The following CNBD1 variants were observed in gnomAD, a reference collection of about 807,000 sequenced individuals.
CNBD1 encodes cyclic nucleotide binding domain containing 1, also known as cyclic nucleotide-binding domain-containing protein 1.
Under a neutral mutation model 54.4 loss-of-function variants are expected in CNBD1, and 71 were observed. The ratio of observed to expected loss-of-function variants is 1.30; its 90% CI spans 1.08 to 1.59. The LOEUF is 1.59. Among genes scored for constraint, CNBD1 ranks in the 40% most tolerant of loss-of-function variants. The pLI is 0.00. For synonymous variants in CNBD1, 182 were observed against 170.7 expected (o/e 1.07, Z -0.51); for missense variants, 659 against 518.0 (o/e 1.27, Z -2.64).
chr8:87,390,378 C>A (rs185089471), intron 2 of CNBD1, among the ~76,000 whole-genome samples: 11 of 152,090 alleles, frequency 7.2e-5, no homozygotes, highest in African/African-American at 2.4e-4. Context: ...CCAGAATCTA[C>A]AATGAACTTA....
At chr8:87,376,952 G>C (rs1234218278) in intron 10 of CNBD1, among the ~76,000 whole-genome samples, 1 of 149,792 alleles carries the variant, frequency 6.7e-6, no homozygotes, top group Non-Finnish European at 1.5e-5. Flanking sequence ...AGCACATCTT[G>C]GAACCCAAAT....
chr8:87,376,221 TG>T (rs1810931277), intron 10 of CNBD1, among the ~76,000 whole-genome samples: 1 of 151,870 alleles, frequency 6.6e-6, no homozygotes, highest in African/African-American at 2.4e-5. Context: ...CCCATAGTTT[TG>T]GAGGGCAAGA....
chr8:87,237,693 G>T (rs1807610867), intron 6 of CNBD1, among the ~76,000 whole-genome samples: 2 of 152,068 alleles, frequency 1.3e-5, no homozygotes, highest in South Asian at 4.1e-4. Flanking sequence ...TAGAATTGTG[G>T]CTGATAGTCA....
intron 4 of CNBD1, among the ~76,000 whole-genome samples, chr8:87,146,506 A>G (rs1812491515): frequency 6.6e-6 from 1 of 152,126 alleles, no homozygotes; most frequent in Non-Finnish European, 1.5e-5. Flanking sequence ...ATTGAGCCCT[A>G]TGGCTTTAAA....
intron 4 of CNBD1, among the ~76,000 whole-genome samples, chr8:87,184,788 G>T (rs1465019681): frequency 1.3e-5 from 2 of 152,034 alleles, no homozygotes; most frequent in Non-Finnish European, 2.9e-5. Context: ...GAGTCTGCTG[G>T]TGTACTTGAT....
At chr8:86,902,166 A>G (rs1808948544) in intron 2 of CNBD1, among the ~76,000 whole-genome samples, 1 of 152,064 alleles carries the variant, frequency 6.6e-6, no homozygotes, top group Non-Finnish European at 1.5e-5. Context: ...TGCTCCTCCA[A>G]ACTTTATCTA....
intron 2 of CNBD1, among the ~76,000 whole-genome samples, chr8:87,404,435 G>T (rs974736537): frequency 1.3e-5 from 2 of 152,026 alleles, no homozygotes; most frequent in Admixed American, 6.6e-5. Context: ...ACAAAATTGG[G>T]TACTGAGTTT....
intron 4 of CNBD1, among the ~76,000 whole-genome samples, chr8:86,984,591 A>G (rs1808562228): frequency 6.6e-6 from 1 of 152,152 alleles, no homozygotes; most frequent in South Asian, 2.1e-4. Context: ...GTGGGAGCCC[A>G]CCTCTTGCAT....
chr8:87,076,129 A>G (rs6997613), intron 4 of CNBD1, among the ~76,000 whole-genome samples: 91,307 of 152,058 alleles, frequency 0.6, 29,061 homozygotes, highest in African/African-American at 0.82. Context: ...TACCACCTAT[A>G]TAAGAAAAGC....
intron 8 of CNBD1, among the ~76,000 whole-genome samples, chr8:87,327,757 C>G (rs573621369): frequency 6.6e-6 from 1 of 152,156 alleles, no homozygotes; most frequent in Admixed American, 6.5e-5. Flanking sequence ...AGAAATCACC[C>G]GTCTTCTGCG....
At chr8:87,279,717 TA>T in intron 6 of CNBD1, among the ~76,000 whole-genome samples, 1 of 151,260 alleles carries the variant, frequency 6.6e-6, no homozygotes, top group African/African-American at 2.4e-5. Flanking sequence ...CGAGATTATA[TA>T]TTTTTATATA....
chr8:87,377,099 A>T (rs1586061636), intron 10 of CNBD1, among the ~76,000 whole-genome samples: 3 of 118,824 alleles, frequency 2.5e-5, no homozygotes, highest in Non-Finnish European at 5.6e-5. Context: ...TCTTATTTTT[A>T]TTTTTCGCAG....
chr8:87,220,090 T>C (rs555019888), intron 5 of CNBD1, among the ~76,000 whole-genome samples: 21 of 152,192 alleles, frequency 1.4e-4, no homozygotes, highest in Admixed American at 1.2e-3. Flanking sequence ...TAATAGGTTG[T>C]TACAATCATT....
intron 8 of CNBD1, among the ~76,000 whole-genome samples, chr8:87,342,163 C>T (rs1181395507): frequency 1.3e-5 from 2 of 151,962 alleles, no homozygotes; most frequent in Non-Finnish European, 1.5e-5. Flanking sequence ...GTCCCAGCTA[C>T]TTGAGAGGCT....
chr8:86,939,754 T>G lies in CNBD1; in HGVS notation c.431T>G (p.Leu144Trp). The change falls in exon 4 of 11, where the codon TTG becomes TGG. Residue 144 changes from leucine (L) to tryptophan (W), a missense_variant and splice_region_variant. Leu to Trp is a moderately conservative substitution (Grantham distance 61, BLOSUM62 -2). Coordinates refer to ENST00000518476, the MANE Select transcript of CNBD1 (RefSeq NM_173538.3). ...FEEFLAILKKLPIHRTPYEHK... is the reference protein window; with the variant it reads ...FEEFLAILKKWPIHRTPYEHK... Reference sequence around the variant, plus strand: ...GAATTCCTAGCTATCTTAAAGAAATTGTAAGTATTTAAAATATATTCCTTC... The same window carrying G: ...GAATTCCTAGCTATCTTAAAGAAATGGTAAGTATTTAAAATATATTCCTTC... 6.6e-7 allele frequency: 1 copy of G among 1,512,062 alleles called. No homozygotes were observed. The highest frequency in any genetic ancestry group is 9.0e-7 in the Non-Finnish European group (1 of 1,113,218). 93.7% of individuals were successfully genotyped at this position (1,512,062 alleles called of 1,614,324 possible). A position where few individuals can be genotyped will look rare whatever the true frequency, so the allele number is the denominator to read the frequency against.
chr8:87,343,365 A>T (rs1310451038), intron 8 of CNBD1, among the ~76,000 whole-genome samples: 3 of 152,222 alleles, frequency 2.0e-5, no homozygotes, highest in African/African-American at 7.2e-5. Context: ...TCCTCAGCTT[A>T]CAAAAATGAT....
chr8:86,892,382 C>G (rs932508670), intron 2 of CNBD1, among the ~76,000 whole-genome samples: 1 of 151,966 alleles, frequency 6.6e-6, no homozygotes, highest in African/African-American at 2.4e-5. Context: ...TCAGAATTTT[C>G]CAAAGACACA....
chr8:86,958,557 G>C (rs897551682), intron 4 of CNBD1, among the ~76,000 whole-genome samples: 12 of 152,278 alleles, frequency 7.9e-5, no homozygotes, highest in Non-Finnish European at 1.6e-4. Flanking sequence ...TCTTCTTGTT[G>C]AATTGATCTC....
At chr8:87,269,998 A>G (rs1808330966) in intron 6 of CNBD1, among the ~76,000 whole-genome samples, 1 of 152,030 alleles carries the variant, frequency 6.6e-6, no homozygotes, top group Non-Finnish European at 1.5e-5. Context: ...AATAGATACA[A>G]AGATCCTCAA....
Sources: allele counts gnomAD v4.1 joint callset (sites outside exome capture counted in the v4.1 genomes callset), GRCh38; gene constraint gnomAD v4.1.1; transcripts MANE v1.5; gene names NCBI Gene and HGNC (gene_info 2026-07-23, HGNC 2026-07-21).